Variants in OSBPL6 observed in about 807,000 individuals in gnomAD.
OSBPL6 encodes oxysterol-binding protein-related protein 6.
Under a neutral mutation model 125.8 loss-of-function variants are expected in OSBPL6, and 49 were observed. That is an observed-to-expected ratio of 0.39 (90% confidence interval 0.31 to 0.49). The LOEUF (loss-of-function observed/expected upper bound fraction) is 0.49. Ranked by LOEUF, OSBPL6 falls within the 20% of genes least tolerant of loss-of-function variation. The pLI is 0.88. For synonymous variants in OSBPL6, 394 were observed against 391.8 expected (o/e 1.01, Z -0.07); for missense variants, 986 against 1,135.4 (o/e 0.87, Z 1.89).
intron 1 of OSBPL6, among the ~76,000 whole-genome samples, chr2:178,263,979 A>G (rs1238784613): frequency 6.6e-6 from 1 of 152,178 alleles, no homozygotes; most frequent in Admixed American, 6.5e-5. Context: ...CATTTACAAC[A>G]GAGAGGACTG....
At chr2:178,387,919 G>C (rs1011648577) in intron 20 of OSBPL6, among the ~76,000 whole-genome samples, 2 of 151,974 alleles carry the variant, frequency 1.3e-5, no homozygotes, top group African/African-American at 4.8e-5. Flanking sequence ...CAGGAGAATT[G>C]TTTGAACCTG....
chr2:178,345,555 T>A (rs924244360), intron 11 of OSBPL6, among the ~76,000 whole-genome samples: 1 of 152,260 alleles, frequency 6.6e-6, no homozygotes, highest in African/African-American at 2.4e-5. Flanking sequence ...GGTCCATGTA[T>A]ATCTTATGCA....
intron 1 of OSBPL6, among the ~76,000 whole-genome samples, chr2:178,203,475 C>G (rs1365718239): frequency 6.6e-6 from 1 of 152,190 alleles, no homozygotes; most frequent in East Asian, 1.9e-4. Context: ...CTCCGTATCT[C>G]TACTTAACTT....
chr2:178,206,484 T>G (rs535064731), intron 1 of OSBPL6, among the ~76,000 whole-genome samples: 1 of 152,306 alleles, frequency 6.6e-6, no homozygotes, highest in Non-Finnish European at 1.5e-5. Context: ...AGCCTTTGGT[T>G]TTCAAGATGA....
intron 13 of OSBPL6, among the ~76,000 whole-genome samples, chr2:178,364,699 T>C (rs1692648199): frequency 6.6e-6 from 1 of 152,022 alleles, no homozygotes; most frequent in Non-Finnish European, 1.5e-5. Flanking sequence ...TCTGTGGAGA[T>C]TGAGGTGTCT....
chr2:178,208,063 T>A (rs773740809), intron 1 of OSBPL6, among the ~76,000 whole-genome samples: 1 of 152,068 alleles, frequency 6.6e-6, no homozygotes, highest in Non-Finnish European at 1.5e-5. Flanking sequence ...GGTGGGCGGA[T>A]CACCTGAGGT....
In OSBPL6 at chr2:178,228,155, CCAAACAAAACTAATGTG is replaced by C. The variant is rs539207572; in HGVS notation, c.-351+33491_-351+33507del. Among the ~76,000 whole-genome samples, 315 of 152,278 alleles carry C rather than the reference CCAAACAAAACTAATGTG, an allele frequency of 2.1e-3. 3 individuals are homozygous for C. The East Asian group carries it at 0.026, about 12-fold the overall frequency. On this transcript the variant is annotated intron_variant, in intron 1 of 24. Transcript: ENST00000190611. ...ACTAAGCAGCACTTACAAAGATATT[CCAAACAAAACTAATGTG>C]CAAACAAAATAGAAGGTATCTCTTC...
intron 15 of OSBPL6, among the ~76,000 whole-genome samples, chr2:178,374,861 A>G (rs1693718929): frequency 6.6e-6 from 1 of 152,236 alleles, no homozygotes; most frequent in Non-Finnish European, 1.5e-5. Context: ...GATTTTAGAA[A>G]CAAAGACAAA....
At chr2:178,349,772 A>G (rs1369548931) in intron 12 of OSBPL6, among the ~76,000 whole-genome samples, 1 of 152,130 alleles carries the variant, frequency 6.6e-6, no homozygotes, top group Non-Finnish European at 1.5e-5. Flanking sequence ...ATTGGACTTT[A>G]CAATTTGTGG....
rs531867244 is a variant in OSBPL6, at chr2:178,228,418, T to C, written c.-351+33744T>C. Among the ~76,000 whole-genome samples the C allele has an allele frequency of 5.3e-4, 81 of 152,214 alleles. 1 individual carries two copies. The East Asian group carries it at 6.0e-3, about 11-fold the overall frequency. ...GGTGTGGTGGCGTGCGCCTGTAGTCTCAGCTACTCGGGAGGCTGAGGCAGA... is the reference window on the plus strand; with the variant it reads ...GGTGTGGTGGCGTGCGCCTGTAGTCCCAGCTACTCGGGAGGCTGAGGCAGA... On this transcript the variant is annotated intron_variant, in intron 1 of 24. Transcript: ENST00000190611.
At chr2:178,317,496 C>T (rs1224763038) in intron 3 of OSBPL6, among the ~76,000 whole-genome samples, 1 of 134,528 alleles carries the variant, frequency 7.4e-6, no homozygotes, top group Non-Finnish European at 1.6e-5. Flanking sequence ...ATTATTCATT[C>T]ATTCAGCAAA....
intron 1 of OSBPL6, among the ~76,000 whole-genome samples, chr2:178,227,341 T>G (rs545528277): frequency 6.6e-6 from 1 of 152,350 alleles, no homozygotes; most frequent in South Asian, 2.1e-4. Context: ...CCACAGGATC[T>G]CATATCCTGC....
intron 12 of OSBPL6, among the ~76,000 whole-genome samples, chr2:178,357,103 ACTTAAACGTTAGAC>A (rs1343720675): frequency 1.3e-5 from 2 of 152,244 alleles, no homozygotes; most frequent in Non-Finnish European, 2.9e-5. Flanking sequence ...TGGATTAAAG[ACTTAAACGTTAGAC>A]CTAAAACTGT....
At chr2:178,237,393 C>T (rs533640967) in intron 1 of OSBPL6, among the ~76,000 whole-genome samples, 1 of 152,048 alleles carries the variant, frequency 6.6e-6, no homozygotes, top group South Asian at 2.1e-4. Context: ...ATTCTTACTG[C>T]CTATGCTTTC....
intron 12 of OSBPL6, among the ~76,000 whole-genome samples, chr2:178,351,553 T>TA (rs536424301): frequency 7.9e-5 from 12 of 151,844 alleles, no homozygotes; most frequent in African/African-American, 1.2e-4. Context: ...CTGAGAACTA[T>TA]AAAAAAAATT....
intron 9 of OSBPL6, 53 bp from the exon 10 acceptor site, chr2:178,338,938 C>T: frequency 7.8e-7 from 1 of 1,283,758 alleles, no homozygotes; most frequent in South Asian, 1.3e-5. Context: ...TATTACCATC[C>T]CCACCGCTCC....
At position 178,394,341 on chromosome 2, in the gene OSBPL6, G is replaced by T. The variant is rs1054142532; in HGVS notation, c.2602G>T (p.Ala868Ser). The T allele has an allele frequency of 5.6e-6, 9 of 1,613,474 alleles. No individual in the cohort carries two copies. The highest frequency in any genetic ancestry group is 7.6e-6 in the Non-Finnish European group (9 of 1,179,842). ...TTTGGAAGAAGGAAATTTAGAAGCT[G>T]CAGCATCAGAGAAGCAAAGAGTAGA... ...RFLEEGNLEA[A>S]ASEKQRVEEL... The change falls in exon 24 of 25, where the codon GCA (alanine) becomes TCA (serine). Residue 868 changes from alanine to serine, a missense_variant. Around this residue, in one of 3 missense-constraint regions of OSBPL6, gnomAD observed 843 missense variants for 997.3 expected, o/e 0.85. Coordinates refer to ENST00000190611, the MANE Select transcript of OSBPL6 (RefSeq NM_032523.4).
At chr2:178,291,708 TCCTC>T (rs1267347045) in intron 2 of OSBPL6, among the ~76,000 whole-genome samples, 9 of 150,090 alleles carry the variant, frequency 6.0e-5, no homozygotes, top group East Asian at 5.9e-4. Flanking sequence ...CTTCCTTCTT[TCCTC>T]CCTCCCTCCC....
At chr2:178,316,836 T>G (rs1687777681) in intron 3 of OSBPL6, among the ~76,000 whole-genome samples, 1 of 152,174 alleles carries the variant, frequency 6.6e-6, no homozygotes, top group South Asian at 2.1e-4. Context: ...GATTTTGGTA[T>G]CTGCAGAAGG....
Sources: allele counts gnomAD v4.1 joint callset (sites outside exome capture counted in the v4.1 genomes callset), GRCh38; gene constraint gnomAD v4.1.1; regional missense constraint gnomAD v4.1.1; transcripts MANE v1.5; gene names NCBI Gene and HGNC (gene_info 2026-07-23, HGNC 2026-07-21).